Variants in USP10 observed in about 807,000 individuals in gnomAD.
USP10 encodes the protein ubiquitin specific peptidase 10.
Under a neutral mutation model 84.5 loss-of-function variants are expected in USP10, and 22 were observed. The ratio of observed to expected loss-of-function variants is 0.26; its 90% confidence interval spans 0.19 to 0.37. USP10 has a LOEUF of 0.37. Ranked by LOEUF, USP10 falls within the 10% of genes least tolerant of loss-of-function variation. The pLI, the probability that USP10 is intolerant of heterozygous loss-of-function variation, is 1.00. For synonymous variants in USP10, 454 were observed against 387.6 expected, an observed-to-expected ratio of 1.17 and a Z score of -2.01; for missense variants, 1,019 against 998.9, an observed-to-expected ratio of 1.02 and a Z score of -0.27.
At chr16:84,738,436 T>C (rs1319993747) in intron 2 of USP10, among the ~76,000 whole-genome samples, 1 of 152,202 alleles carries the variant, frequency 6.6e-6, no homozygotes, top group Non-Finnish European at 1.5e-5. Context: ...AACTGTCTTC[T>C]TTGACCACAG....
At chr16:84,759,232 G>A (rs973439145) in intron 5 of USP10, 131 bp from the exon 6 acceptor site, 2 of 786,244 alleles carry the variant, frequency 2.5e-6, no homozygotes, top group Admixed American at 2.1e-5. Context: ...CCTTTTCGTG[G>A]TGACATATCT....
intron 8 of USP10, among the ~76,000 whole-genome samples, chr16:84,762,103 G>A (rs756189114): frequency 1.1e-4 from 16 of 152,246 alleles, no homozygotes; most frequent in Non-Finnish European, 1.5e-4. Flanking sequence ...TCAAACACTC[G>A]TGATGTGGGA....
intron 1 of USP10, among the ~76,000 whole-genome samples, chr16:84,713,563 T>A (rs1906593204): frequency 6.6e-6 from 1 of 152,196 alleles, no homozygotes; most frequent in African/African-American, 2.4e-5. Context: ...GGGTTTTTGT[T>A]TGCTTTGTTC....
At chr16:84,777,449 A>G (rs1213556953) in intron 13 of USP10, among the ~76,000 whole-genome samples, 6 of 152,202 alleles carry the variant, frequency 3.9e-5, no homozygotes, top group African/African-American at 1.2e-4. Context: ...GATCCAGGGG[A>G]CATGCTGCTG....
intron 13 of USP10, among the ~76,000 whole-genome samples, chr16:84,776,874 A>G (rs538165625): frequency 1.3e-5 from 2 of 152,276 alleles, no homozygotes; most frequent in South Asian, 2.1e-4. Context: ...GTGCAGTGGC[A>G]CAGTCTCCAT....
intron 6 of USP10, 122 bp from the exon 7 acceptor site, chr16:84,759,769 C>A: frequency 9.8e-7 from 1 of 1,015,888 alleles, no homozygotes; most frequent in Non-Finnish European, 1.5e-6. Context: ...GCTGTTACAG[C>A]ATTGGTTACC....
At chr16:84,730,445 C>T (rs1909062222) in intron 1 of USP10, among the ~76,000 whole-genome samples, 1 of 152,082 alleles carries the variant, frequency 6.6e-6, no homozygotes, top group Non-Finnish European at 1.5e-5. Flanking sequence ...ATAATAAAAA[C>T]ACGCTTAAAA....
intron 3 of USP10, among the ~76,000 whole-genome samples, chr16:84,741,860 A>G (rs981924457): frequency 6.6e-6 from 1 of 152,126 alleles, no homozygotes; most frequent in Admixed American, 6.5e-5. Context: ...CAGCCTGCTC[A>G]GCTGCTGATG....
At position 84,755,949 on chromosome 16, in the gene USP10, C is replaced by T. The variant is rs150352264; in HGVS notation, c.1193-2767C>T. Among the ~76,000 whole-genome samples the T allele has an allele frequency of 6.6e-3, 1,001 of 152,308 alleles. 11 individuals are homozygous for T. The highest frequency in any genetic ancestry group is 0.01 in the Non-Finnish European group (701 of 68,036). ...CCTGCTCATCTGTTGTATTCCTCCT[C>T]TAGTTGGATAGCACTGCTGCCCCAG... On this transcript the variant is annotated intron_variant, in intron 4 of 13. Transcript: ENST00000219473.
intron 1 of USP10, among the ~76,000 whole-genome samples, chr16:84,715,624 T>A (rs1025893472): frequency 2.6e-5 from 4 of 152,126 alleles, no homozygotes; most frequent in African/African-American, 9.7e-5. Context: ...ATTTATGTGT[T>A]AGGGTGCCCT....
At chr16:84,752,787 G>C (rs946785485) in intron 4 of USP10, among the ~76,000 whole-genome samples, 1 of 152,180 alleles carries the variant, frequency 6.6e-6, no homozygotes, top group Non-Finnish European at 1.5e-5. Context: ...GTCTCCTCCA[G>C]TTGATGGTTA....
rs534821528 is a variant in USP10 at position 84,752,463 on chromosome 16, C to T, written c.1193-6253C>T. 3.5e-3 allele frequency among the ~76,000 whole-genome samples: 540 copies of T among 152,246 alleles called. 5 individuals carry two copies. Among genetic ancestry groups the T allele is most frequent in the Middle Eastern group, 0.01 (3 of 294 alleles). On this transcript the variant is annotated intron_variant, in intron 4 of 13. Coordinates refer to ENST00000219473, the MANE Select transcript of USP10 (RefSeq NM_005153.3). ...TGCCTGCCCTCTATCCTTGGTGGCC[C>T]GCCTTCCTCATTTTTATTCTTTTAG...
rs1315522154 is a variant in USP10 at position 84,722,712 on chromosome 16, C to T, written c.22-10723C>T. Among the ~76,000 whole-genome samples, 7 of 151,958 alleles carry T rather than the reference C, an allele frequency of 4.6e-5. No homozygotes were observed. The East Asian group carries it at 1.4e-3, about 29-fold the overall frequency. On this transcript the variant is annotated intron_variant, in intron 1 of 13. Transcript: ENST00000219473. ...GTAGCTGGGATTACAGGCAGACTCC[C>T]CCACGCCCAGCTAATTTTTGTATTT... is the stretch of plus-strand genomic sequence containing the variant.
chr16:84,751,305 A>G (rs189797730), intron 4 of USP10, among the ~76,000 whole-genome samples: 81 of 152,376 alleles, frequency 5.3e-4, no homozygotes, highest in African/African-American at 1.9e-3. Context: ...TATCCCCATC[A>G]TTAAGCATGG....
intron 2 of USP10, among the ~76,000 whole-genome samples, chr16:84,734,019 C>T (rs900917917): frequency 6.6e-6 from 1 of 152,194 alleles, no homozygotes; most frequent in Non-Finnish European, 1.5e-5. Context: ...AATTTACTTA[C>T]ATATTTTCCT....
chr16:84,767,148 C>T (rs549880492), intron 10 of USP10, among the ~76,000 whole-genome samples: 44 of 152,184 alleles, frequency 2.9e-4, no homozygotes, highest in Admixed American at 9.2e-4. Flanking sequence ...AAGCTTTTAG[C>T]GAGCTCTTCA....
At chr16:84,700,186 C>A (rs1374326740) in intron 1 of USP10, 75 bp downstream of exon 1, 30 of 1,107,172 alleles carry the variant, frequency 2.7e-5, no homozygotes, top group Non-Finnish European at 3.2e-5. Flanking sequence ...GGGCGGGCGT[C>A]CGCGCCCTGC....
intron 1 of USP10, among the ~76,000 whole-genome samples, chr16:84,716,775 G>A (rs191953757): frequency 2.6e-5 from 4 of 152,286 alleles, no homozygotes; most frequent in Non-Finnish European, 4.4e-5. Context: ...GTTGAAGAGT[G>A]AAGATTCTAC....
chr16:84,721,188 G>A (rs1358130056), intron 1 of USP10, among the ~76,000 whole-genome samples: 3 of 152,070 alleles, frequency 2.0e-5, no homozygotes, highest in East Asian at 1.9e-4. Context: ...CACCATGCCC[G>A]GCAATGATGC....
Sources: gnomAD v4.1 joint callset for allele counts (sites outside exome capture counted in the v4.1 genomes callset) on GRCh38, gnomAD v4.1.1 for gene constraint, MANE v1.5 for transcripts, NCBI Gene and HGNC (gene_info 2026-07-23, HGNC 2026-07-21) for gene names.